The following PARD3 variants were observed in gnomAD, a reference collection of about 807,000 sequenced individuals.
PARD3 encodes the protein par-3 family cell polarity regulator, also known as partitioning defective 3 homolog.
Under a neutral mutation model 155.4 loss-of-function variants are expected in PARD3, and 75 were observed. That is an observed-to-expected ratio of 0.48 (90% CI 0.40 to 0.58). The LOEUF is 0.58. Ranked by LOEUF, PARD3 falls within the 20% of genes least tolerant of loss-of-function variation. PARD3 has a pLI of 0.00. For missense variants in PARD3, 1,642 were observed against 1,721.7 expected (o/e 0.95, Z 0.82); for synonymous variants, 576 against 610.5 (o/e 0.94, Z 0.83).
At chr10:34,669,412 C>T (rs758220165) in intron 2 of PARD3, among the ~76,000 whole-genome samples, 15 of 152,024 alleles carry the variant, frequency 9.9e-5, no homozygotes, top group Non-Finnish European at 1.6e-4. Flanking sequence ...TGTATACACA[C>T]GGACACAGAG....
At chr10:34,528,537 T>G (rs2082626269) in intron 2 of PARD3, among the ~76,000 whole-genome samples, 1 of 152,096 alleles carries the variant, frequency 6.6e-6, no homozygotes, top group Admixed American at 6.5e-5. Context: ...GGTTTTGTTT[T>G]GTTTTGTTTT....
chr10:34,681,829 C>T (rs1244415827), intron 2 of PARD3, among the ~76,000 whole-genome samples: 2 of 119,632 alleles, frequency 1.7e-5, no homozygotes. Context: ...CTATGTTGCC[C>T]AGGCTGCCCT....
Position 34,371,330 on chromosome 10 carries a change from TATTA to T in PARD3, c.1707+1164_1707+1167del, listed in dbSNP as rs961115648. On this transcript the variant is annotated intron_variant, in intron 12 of 24. Coordinates refer to ENST00000374788, the MANE Select transcript of PARD3 (RefSeq NM_001184785.2). ...CTAGGAATTGTCTACAACACACACT[TATTA>T]ATGTGGAATATTCTCAAGGTTGTTT... 2.0e-5 allele frequency among the ~76,000 whole-genome samples: 3 copies of T among 151,594 alleles called. 1 individual carries two copies.
intron 22 of PARD3, among the ~76,000 whole-genome samples, chr10:34,190,972 C>T (rs1026407786): frequency 3.3e-5 from 5 of 151,730 alleles, no homozygotes; most frequent in African/African-American, 7.3e-5. Context: ...CATATGAGTG[C>T]AATGTTAGAT....
intron 22 of PARD3, among the ~76,000 whole-genome samples, chr10:34,249,154 ATACATC>A (rs1954140829): frequency 6.6e-6 from 1 of 152,160 alleles, no homozygotes; most frequent in Admixed American, 6.6e-5. Context: ...CTGAATACAT[ATACATC>A]TACATCTACC....
chr10:34,650,714 A>G (rs528665191), intron 2 of PARD3, among the ~76,000 whole-genome samples: 2 of 152,292 alleles, frequency 1.3e-5, no homozygotes, highest in African/African-American at 4.8e-5. Context: ...AAAAAGTGCA[A>G]AAAGAAACAC....
At chr10:34,405,079 AACACAC>A (rs200596601) in intron 5 of PARD3, among the ~76,000 whole-genome samples, 952 of 59,432 alleles carry the variant, frequency 0.016, 6 homozygotes, top group East Asian at 0.035. Flanking sequence ...CACAAACACA[AACACAC>A]ACACACACAC....
chr10:34,731,230 T>C (rs1290000101), intron 1 of PARD3, among the ~76,000 whole-genome samples: 8 of 152,204 alleles, frequency 5.3e-5, no homozygotes. Context: ...AGAGCAGGCC[T>C]GAGTTTCAAC....
chr10:34,619,599 A>C (rs1358379246), intron 2 of PARD3, among the ~76,000 whole-genome samples: 1 of 151,992 alleles, frequency 6.6e-6, no homozygotes, highest in Non-Finnish European at 1.5e-5. Context: ...ATACTCCAGC[A>C]TGGGTAGTCA....
intron 1 of PARD3, among the ~76,000 whole-genome samples, chr10:34,755,045 C>T (rs747750609): frequency 1.3e-5 from 2 of 152,078 alleles, no homozygotes; most frequent in African/African-American, 4.8e-5. Context: ...TTAAAACAGG[C>T]AGAGTGAGCC....
intron 2 of PARD3, among the ~76,000 whole-genome samples, chr10:34,613,818 G>T (rs2091072605): frequency 6.6e-6 from 1 of 152,206 alleles, no homozygotes; most frequent in African/African-American, 2.4e-5. Context: ...TGAATGTGGA[G>T]AAACCATTTT....
intron 22 of PARD3, among the ~76,000 whole-genome samples, chr10:34,139,395 C>T (rs965006224): frequency 6.6e-6 from 1 of 152,144 alleles, no homozygotes; most frequent in Non-Finnish European, 1.5e-5. Context: ...CAAGATCCAG[C>T]CCATTAGTAA....
At chr10:34,606,497 T>C (rs2090450781) in intron 2 of PARD3, among the ~76,000 whole-genome samples, 2 of 151,970 alleles carry the variant, frequency 1.3e-5, no homozygotes, top group African/African-American at 2.4e-5. Flanking sequence ...AGAAGCTACA[T>C]TTTTATAAAA....
intron 1 of PARD3, among the ~76,000 whole-genome samples, chr10:34,811,942 A>G (rs150283106): frequency 6.4e-4 from 98 of 152,320 alleles, no homozygotes; most frequent in African/African-American, 2.2e-3. Context: ...GAGGCTCCTA[A>G]TGCAGATGGG....
intron 12 of PARD3, among the ~76,000 whole-genome samples, chr10:34,371,480 T>C (rs1347398986): frequency 1.7e-5 from 1 of 59,986 alleles, no homozygotes; most frequent in Non-Finnish European, 3.4e-5. Context: ...GGTGAGATTC[T>C]AGACTCAAAA....
intron 20 of PARD3, among the ~76,000 whole-genome samples, chr10:34,315,662 A>T (rs1957962611): frequency 6.6e-6 from 1 of 152,228 alleles, no homozygotes; most frequent in Non-Finnish European, 1.5e-5. Context: ...GTCAGTCTGC[A>T]CATATGGAAC....
At chr10:34,524,431 T>A (rs1356286652) in intron 2 of PARD3, among the ~76,000 whole-genome samples, 1 of 152,206 alleles carries the variant, frequency 6.6e-6, no homozygotes, top group Non-Finnish European at 1.5e-5. Flanking sequence ...GATGCTTACA[T>A]TTCAGAGCTG....
At chr10:34,511,151 G>A (rs1156616536) in intron 3 of PARD3, among the ~76,000 whole-genome samples, 1 of 152,182 alleles carries the variant, frequency 6.6e-6, no homozygotes, top group Non-Finnish European at 1.5e-5. Flanking sequence ...ATCTTGACTA[G>A]GCTGATTGCA....
intron 5 of PARD3, among the ~76,000 whole-genome samples, chr10:34,415,899 T>C (rs1423395787): frequency 6.6e-6 from 1 of 152,280 alleles, no homozygotes; most frequent in East Asian, 1.9e-4. Flanking sequence ...AAAACAACTT[T>C]ACATGGAGGG....
Sources: allele counts gnomAD v4.1 joint callset (sites outside exome capture counted in the v4.1 genomes callset), GRCh38; gene constraint gnomAD v4.1.1; transcripts MANE v1.5; gene names NCBI Gene and HGNC (gene_info 2026-07-23, HGNC 2026-07-21).